FGF12: variants seen among roughly 807,000 people sequenced by gnomAD.
FGF12 encodes fibroblast growth factor 12B.
Under a neutral mutation model 23.6 loss-of-function variants are expected in FGF12, and 14 were observed. The observed-to-expected ratio is 0.59, with a 90% CI of 0.39 to 0.93. The LOEUF (loss-of-function observed/expected upper bound fraction) is 0.93. Ranked by LOEUF, FGF12 falls within the 40% of genes least tolerant of loss-of-function variation. FGF12 has a pLI of 0.00. For missense variants in FGF12, 175 were observed against 217.8 expected (o/e 0.80, Z 1.24); for synonymous variants, 62 against 77.3 (o/e 0.80, Z 1.04).
intron 2 of FGF12, among the ~76,000 whole-genome samples, chr3:192,677,708 C>A (rs999033120): frequency 1.3e-5 from 2 of 152,200 alleles, no homozygotes; most frequent in Non-Finnish European, 2.9e-5. Flanking sequence ...TTTTTCAATG[C>A]AAGCTGCCCC....
Position 192,462,110 on chromosome 3 carries a change from TAATA to T in FGF12, c.14-101576_14-101573del, listed in dbSNP as rs144640919. On this transcript the variant is annotated intron_variant, in intron 2 of 5. Coordinates refer to ENST00000445105, the MANE Select transcript of FGF12 (RefSeq NM_004113.6). Reference sequence around the variant, plus strand: ...AAAACATGTTTTTAAAACTCACTAGTAATAAAGAAATGTATATTAAAATAATAAA... The same window carrying T: ...AAAACATGTTTTTAAAACTCACTAGTAAGAAATGTATATTAAAATAATAAA... Among the ~76,000 whole-genome samples, 801 of 152,252 alleles carry T rather than the reference TAATA, an allele frequency of 5.3e-3. 8 individuals are homozygous for T. The highest frequency in any genetic ancestry group is 0.018 in the African/African-American group (765 of 41,556).
At chr3:192,421,665 T>C (rs1721531011) in intron 2 of FGF12, among the ~76,000 whole-genome samples, 1 of 152,054 alleles carries the variant, frequency 6.6e-6, no homozygotes, top group Non-Finnish European at 1.5e-5. Context: ...CATCAGGACC[T>C]GTCAGGGGAT....
At position 192,194,730 on chromosome 3, in the gene FGF12, T is replaced by C. The variant is rs150031094; in HGVS notation, c.229-24074A>G. Among the ~76,000 whole-genome samples the C allele has an allele frequency of 1.2e-4, 18 of 152,286 alleles. No individual in the cohort carries two copies. The East Asian group carries it at 3.1e-3, about 26-fold the overall frequency. Reference sequence around the variant, plus strand: ...AAAACCAATACTATCTTTGAAACATTGTGGAGTCTATTCACTCTACCTAAC... The same window carrying C: ...AAAACCAATACTATCTTTGAAACATCGTGGAGTCTATTCACTCTACCTAAC... On this transcript the variant is annotated intron_variant, in intron 4 of 5. Coordinates refer to ENST00000445105, the MANE Select transcript of FGF12 (RefSeq NM_004113.6).
chr3:192,444,819 A>G (rs1300677068), intron 2 of FGF12, among the ~76,000 whole-genome samples: 2 of 152,246 alleles, frequency 1.3e-5, no homozygotes, highest in Non-Finnish European at 2.9e-5. Flanking sequence ...CAGTCAGTGA[A>G]GCGAAGCCTG....
At chr3:192,165,182 T>C (rs542164608) in intron 5 of FGF12, among the ~76,000 whole-genome samples, 1 of 152,220 alleles carries the variant, frequency 6.6e-6, no homozygotes, top group African/African-American at 2.4e-5. Flanking sequence ...CTTGAACTCC[T>C]GGCCTCAAGT....
intron 4 of FGF12, among the ~76,000 whole-genome samples, chr3:192,307,463 A>G (rs1715708067): frequency 6.6e-6 from 1 of 152,242 alleles, no homozygotes; most frequent in African/African-American, 2.4e-5. Context: ...GACCTCTATG[A>G]TCACTTTTAT....
intron 4 of FGF12, among the ~76,000 whole-genome samples, chr3:192,248,242 A>C (rs1459086926): frequency 1.3e-5 from 2 of 152,210 alleles, no homozygotes; most frequent in South Asian, 2.1e-4. Flanking sequence ...TAAAGTGTAC[A>C]TTGAACTGAA....
intron 2 of FGF12, among the ~76,000 whole-genome samples, chr3:192,699,684 C>A (rs181511593): frequency 8.5e-4 from 130 of 152,246 alleles, no homozygotes; most frequent in Admixed American, 1.6e-3. Context: ...CTGAGCTTGA[C>A]CTCCCATTCC....
At chr3:192,269,684 C>A (rs1449504759) in intron 4 of FGF12, among the ~76,000 whole-genome samples, 1 of 152,144 alleles carries the variant, frequency 6.6e-6, no homozygotes, top group African/African-American at 2.4e-5. Flanking sequence ...TCTGCAGTTG[C>A]AGAGTCTACC....
chr3:192,424,978 A>G (rs916261833), intron 2 of FGF12, among the ~76,000 whole-genome samples: 13 of 152,194 alleles, frequency 8.5e-5, no homozygotes, highest in African/African-American at 2.9e-4. Context: ...ATGCATACAC[A>G]TATTTGTTGT....
At chr3:192,195,751 TG>T in intron 4 of FGF12, among the ~76,000 whole-genome samples, 1 of 152,250 alleles carries the variant, frequency 6.6e-6, no homozygotes, top group Non-Finnish European at 1.5e-5. Context: ...TATATATGTA[TG>T]TATGTATGTA....
At position 192,709,260 on chromosome 3, in the gene FGF12, A is replaced by G. The variant is rs371054494; in HGVS notation, c.13+17921T>C. Among the ~76,000 whole-genome samples, 50 of 152,348 alleles carry G rather than the reference A, an allele frequency of 3.3e-4. No individual in the cohort carries two copies. The East Asian group carries it at 6.9e-3, about 21-fold the overall frequency. On this transcript the variant is annotated intron_variant, in intron 2 of 5. Transcript: ENST00000445105. ...AGAGCCCTGTTCTTCTAGCTTAAGA[A>G]TGGTAGCCCTGCTTTCAAAAGAAGC...
chr3:192,469,789 AG>A (rs1363285229), intron 2 of FGF12, among the ~76,000 whole-genome samples: 1 of 152,222 alleles, frequency 6.6e-6, no homozygotes, highest in Non-Finnish European at 1.5e-5. Flanking sequence ...GGATATAAAA[AG>A]TGGGCACTGT....
intron 2 of FGF12, among the ~76,000 whole-genome samples, chr3:192,680,748 T>C (rs1040295898): frequency 3.3e-5 from 5 of 152,214 alleles, no homozygotes; most frequent in African/African-American, 1.2e-4. Context: ...AGGGTCCTCC[T>C]AGCTCCCAAA....
At chr3:192,471,907 C>T (rs1236778736) in intron 2 of FGF12, among the ~76,000 whole-genome samples, 5 of 152,118 alleles carry the variant, frequency 3.3e-5, no homozygotes, top group Non-Finnish European at 7.4e-5. Context: ...CAACTGTAAG[C>T]AACTGCAACA....
At position 192,637,733 on chromosome 3, in the gene FGF12, G is replaced by A. The variant is rs144089779; in HGVS notation, c.13+89448C>T. 4.6e-3 allele frequency among the ~76,000 whole-genome samples: 703 copies of A among 152,196 alleles called. 4 individuals carry two copies. Among genetic ancestry groups the A allele is most frequent in the African/African-American group, 0.016 (664 of 41,524 alleles). ...AAAATCTTCAGATAAAAGTGTAAAA[G>A]GAAACAATATATATAAGAAAAAATA... On this transcript the variant is annotated intron_variant, in intron 2 of 5. Transcript: ENST00000445105.
At chr3:192,364,788 A>G (rs1438875254) in intron 2 of FGF12, among the ~76,000 whole-genome samples, 4 of 150,956 alleles carry the variant, frequency 2.6e-5, no homozygotes, top group African/African-American at 9.7e-5. Context: ...ATAAACTTCC[A>G]TTGGCTGTGC....
intron 2 of FGF12, among the ~76,000 whole-genome samples, chr3:192,643,595 A>G (rs1355532820): frequency 6.6e-6 from 1 of 152,098 alleles, no homozygotes; most frequent in African/African-American, 2.4e-5. Flanking sequence ...CTTTCCTTTT[A>G]ATTTTCATAT....
At chr3:192,241,010 C>T (rs919144846) in intron 4 of FGF12, among the ~76,000 whole-genome samples, 4 of 152,248 alleles carry the variant, frequency 2.6e-5, no homozygotes, top group Middle Eastern at 3.4e-3. Flanking sequence ...TACAGTGAAT[C>T]AATGCCCACA....
Sources: allele counts gnomAD v4.1 joint callset (sites outside exome capture counted in the v4.1 genomes callset), GRCh38; gene constraint gnomAD v4.1.1; transcripts MANE v1.5; gene names NCBI Gene and HGNC (gene_info 2026-07-23, HGNC 2026-07-21).